Variants in SNX29 observed in about 807,000 individuals in gnomAD.
The protein encoded by SNX29 is sorting nexin-29.
Under a neutral mutation model 102.1 loss-of-function variants are expected in SNX29, and 78 were observed. That is an observed-to-expected ratio of 0.76 (90% CI 0.64 to 0.92). SNX29 has a LOEUF of 0.92. SNX29 is among the 40% of genes least tolerant of loss of function. SNX29 has a pLI of 0.00. For synonymous variants in SNX29, 580 were observed against 414.5 expected (o/e 1.40, Z -4.85); for missense variants, 1,280 against 1,061.7 (o/e 1.21, Z -2.86).
intron 10 of SNX29, among the ~76,000 whole-genome samples, chr16:12,078,296 G>A (rs1029186370): frequency 4.6e-5 from 7 of 151,980 alleles, no homozygotes; most frequent in South Asian, 2.1e-4. Context: ...CCAACTTGGC[G>A]AAACCCCATT....
At chr16:12,207,954 T>G (rs972221268) in intron 14 of SNX29, among the ~76,000 whole-genome samples, 3 of 152,158 alleles carry the variant, frequency 2.0e-5, no homozygotes, top group Admixed American at 1.3e-4. Flanking sequence ...ATTAATCAAG[T>G]ACACAACAGG....
chr16:12,142,542 A>G (rs920765573), intron 13 of SNX29, among the ~76,000 whole-genome samples: 23 of 152,274 alleles, frequency 1.5e-4, no homozygotes, highest in African/African-American at 4.3e-4. Flanking sequence ...AATTCAGTCA[A>G]GATGAACGAT....
chr16:12,465,873 T>C (rs534032468), intron 18 of SNX29, among the ~76,000 whole-genome samples: 1 of 152,072 alleles, frequency 6.6e-6, no homozygotes, highest in African/African-American at 2.4e-5. Context: ...CAATGTCTGA[T>C]ACTTTTAAGC....
chr16:12,557,205 G>T (rs1217708170), intron 20 of SNX29: 12 of 152,212 alleles, frequency 7.9e-5, no homozygotes, highest in Non-Finnish European at 1.6e-4. Flanking sequence ...GGCTCCAGAG[G>T]GAAAGGCTGA....
chr16:12,377,972 G>C (rs1390177223), intron 16 of SNX29, among the ~76,000 whole-genome samples: 2 of 152,194 alleles, frequency 1.3e-5, no homozygotes, highest in Non-Finnish European at 2.9e-5. Context: ...GCTGGAGCTG[G>C]ATGAGGCCTT....
intron 18 of SNX29, among the ~76,000 whole-genome samples, chr16:12,460,376 A>G (rs150244115): frequency 5.3e-5 from 8 of 152,276 alleles, no homozygotes; most frequent in Non-Finnish European, 1.2e-4. Context: ...ATTCTCACTG[A>G]TTTCCTATTG....
chr16:12,512,112 C>G (rs1203535576), intron 19 of SNX29, among the ~76,000 whole-genome samples: 8 of 151,770 alleles, frequency 5.3e-5, no homozygotes, highest in African/African-American at 1.9e-4. Context: ...GCAGCTGGTT[C>G]TGGCTTCGTG....
At chr16:12,414,160 C>T (rs1050001805) in intron 18 of SNX29, among the ~76,000 whole-genome samples, 2 of 152,072 alleles carry the variant, frequency 1.3e-5, no homozygotes, top group East Asian at 1.9e-4. Flanking sequence ...AATCTGTGGT[C>T]GGTTGAATCT....
intron 14 of SNX29, among the ~76,000 whole-genome samples, chr16:12,238,215 T>C (rs1291238445): frequency 6.6e-6 from 1 of 151,256 alleles, no homozygotes; most frequent in African/African-American, 2.4e-5. Context: ...AAAAAAAAAA[T>C]ACCCAGAACC....
chr16:12,482,763 A>G (rs2088006689), intron 19 of SNX29, among the ~76,000 whole-genome samples: 2 of 152,218 alleles, frequency 1.3e-5, no homozygotes, highest in Non-Finnish European at 2.9e-5. Flanking sequence ...GAATGTCTAT[A>G]TATTTCCCCT....
intron 18 of SNX29, among the ~76,000 whole-genome samples, chr16:12,444,632 C>G (rs1191878421): frequency 6.6e-6 from 1 of 152,132 alleles, no homozygotes; most frequent in Non-Finnish European, 1.5e-5. Context: ...AGTCATTTTC[C>G]TGGACTTTTT....
chr16:12,114,780 G>T (rs1310542171), intron 11 of SNX29, among the ~76,000 whole-genome samples: 1 of 151,926 alleles, frequency 6.6e-6, no homozygotes, highest in Non-Finnish European at 1.5e-5. Context: ...GTAGAGACGG[G>T]GTTTCAGCAT....
intron 11 of SNX29, among the ~76,000 whole-genome samples, chr16:12,082,698 C>T (rs191208452): frequency 6.6e-6 from 1 of 152,192 alleles, no homozygotes; most frequent in Admixed American, 6.5e-5. Context: ...TTGGTAGAAA[C>T]GTGGTCTGTG....
At chr16:11,998,182 A>C (rs2056159064) in intron 1 of SNX29, among the ~76,000 whole-genome samples, 1 of 152,214 alleles carries the variant, frequency 6.6e-6, no homozygotes, top group Non-Finnish European at 1.5e-5. Flanking sequence ...GCCTGATGGC[A>C]ATTCAACGCC....
intron 15 of SNX29, among the ~76,000 whole-genome samples, chr16:12,319,855 T>C (rs1351917213): frequency 6.6e-6 from 1 of 152,182 alleles, no homozygotes; most frequent in Non-Finnish European, 1.5e-5. Flanking sequence ...CCCTTTCTCT[T>C]GGAAATTTCC....
At position 12,573,391 on chromosome 16, in the gene SNX29, C is replaced by A. The variant is rs1356517141; in HGVS notation, c.*4762C>A. 8.9e-6 allele frequency: 2 copies of A among 223,980 alleles called. No individual in the cohort carries two copies. Among genetic ancestry groups the A allele is most frequent in the East Asian group, 1.3e-4 (2 of 15,374 alleles). The allele number at this position is 223,980 out of a possible 1,614,324, so 13.9% of individuals were successfully genotyped here. On this transcript the variant is annotated 3_prime_UTR_variant, in exon 21 of 21. Transcript: ENST00000566228. Reference sequence around the variant, plus strand: ...CCAAGTTGCGTATCCTTCCTTATAGCTAGTTTCTATAGAGAAGTGAAAAAG... The same window carrying A: ...CCAAGTTGCGTATCCTTCCTTATAGATAGTTTCTATAGAGAAGTGAAAAAG...
At chr16:11,977,971 T>C (rs1306525055) in intron 1 of SNX29, 1 of 152,260 alleles carries the variant, frequency 6.6e-6, no homozygotes, top group Non-Finnish European at 1.5e-5. Flanking sequence ...CTGGCCGTTG[T>C]CTTCCACTCA....
chr16:12,287,717 G>T (rs1038360574), intron 15 of SNX29, among the ~76,000 whole-genome samples: 1 of 152,204 alleles, frequency 6.6e-6, no homozygotes, highest in Non-Finnish European at 1.5e-5. Context: ...AGTTTAAACA[G>T]GTGTTTGAAT....
At chr16:12,104,472 C>A (rs1175436480) in intron 11 of SNX29, among the ~76,000 whole-genome samples, 1 of 152,098 alleles carries the variant, frequency 6.6e-6, no homozygotes, top group Admixed American at 6.5e-5. Context: ...AGGAGAATCT[C>A]TTGAACCCGG....
Sources: allele counts gnomAD v4.1 joint callset (sites outside exome capture counted in the v4.1 genomes callset), GRCh38; gene constraint gnomAD v4.1.1; transcripts MANE v1.5; gene names NCBI Gene and HGNC (gene_info 2026-07-23, HGNC 2026-07-21).